The following SOS1 variants were observed in gnomAD, a reference collection of about 807,000 sequenced individuals.
SOS1 encodes the protein SOS Ras/Rac guanine nucleotide exchange factor 1.
Under a neutral mutation model 157.6 loss-of-function variants are expected in SOS1, and 25 were observed. The ratio of observed to expected loss-of-function variants is 0.16; its 90% CI spans 0.12 to 0.22. The LOEUF is 0.22. Among genes scored for constraint, SOS1 ranks in the 10% least tolerant of loss-of-function variants. SOS1 has a pLI of 1.00. For synonymous variants in SOS1, 528 were observed against 534.0 expected (o/e 0.99, Z 0.16); for missense variants, 1,237 against 1,599.1 (o/e 0.77, Z 3.86).
intron 1 of SOS1, among the ~76,000 whole-genome samples, chr2:39,079,732 A>G (rs1044730497): frequency 3.3e-5 from 5 of 152,086 alleles, no homozygotes; most frequent in African/African-American, 1.2e-4. Flanking sequence ...TGACCTCGTG[A>G]TCTGCCCACC....
intron 6 of SOS1, among the ~76,000 whole-genome samples, chr2:39,037,929 A>T (rs932523102): frequency 1.9e-4 from 29 of 151,964 alleles, no homozygotes; most frequent in Non-Finnish European, 3.5e-4. Context: ...AAAAAAAAAA[A>T]TTTCTTTCAA....
At chr2:39,002,197 G>A (rs1669125403) in intron 17 of SOS1, among the ~76,000 whole-genome samples, 1 of 150,146 alleles carries the variant, frequency 6.7e-6, no homozygotes, top group Non-Finnish European at 1.5e-5. Context: ...GTGGTGGTGG[G>A]TGCCTGTAAT....
intron 6 of SOS1, among the ~76,000 whole-genome samples, chr2:39,040,501 G>A (rs538773833): frequency 4.6e-5 from 7 of 152,118 alleles, no homozygotes; most frequent in Admixed American, 1.3e-4. Context: ...CCTCTTCCCC[G>A]TAACCCTTGG....
chr2:39,000,340 A>C (rs1947433), intron 17 of SOS1, among the ~76,000 whole-genome samples: 1 of 152,058 alleles, frequency 6.6e-6, no homozygotes, highest in Non-Finnish European at 1.5e-5. Context: ...CCCTATATAC[A>C]CATATATAGT....
In SOS1 at chr2:39,035,428, T is replaced by G; in HGVS notation, c.937A>C (p.Ser313Arg). ...LRPGFHDRFL[S>R]QLSKPGAALY... ...GCTGCCCCAGGCTTTGATAACTGAC[T>G]AAGGAAACGATCATGAAAACCAGGT... The change falls in exon 7 of 23, where the codon AGT becomes CGT. Residue 313 changes from serine to arginine, a missense_variant. Around this residue, in one of 15 missense-constraint regions of SOS1, gnomAD observed 101 missense variants for 171.5 expected, o/e 0.59. Coordinates refer to ENST00000402219, the MANE Select transcript of SOS1 (RefSeq NM_005633.4). 6.2e-7 allele frequency: 1 copy of G among 1,613,864 alleles called. No individual in the cohort carries two copies. Among genetic ancestry groups the G allele is most frequent in the Non-Finnish European group, 8.5e-7 (1 of 1,179,810 alleles).
chr2:39,058,353 C>A (rs1671287027), intron 3 of SOS1, among the ~76,000 whole-genome samples: 1 of 151,976 alleles, frequency 6.6e-6, no homozygotes, highest in Non-Finnish European at 1.5e-5. Context: ...TTAGGTCTAA[C>A]CAACAAGAAA....
chr2:39,034,300 A>ATTC (rs1670268212), intron 8 of SOS1, among the ~76,000 whole-genome samples: 1 of 152,210 alleles, frequency 6.6e-6, no homozygotes, highest in Admixed American at 6.5e-5. Flanking sequence ...TACTGTTAAT[A>ATTC]AATTCACAGA....
chr2:38,987,473 CT>C lies in SOS1; in HGVS notation c.3509del (p.Lys1170ArgfsTer51). The C allele has an allele frequency of 6.7e-7, 1 of 1,485,580 alleles. No individual in the cohort carries two copies. Among genetic ancestry groups the C allele is most frequent in the Non-Finnish European group, 9.4e-7 (1 of 1,066,618 alleles). The allele number at this position is 1,485,580 out of a possible 1,614,324, so 92.0% of individuals were successfully genotyped here. Reference sequence around the variant, plus strand: ...TACACAACAAGATTTCTTACTTTACCTTAGATGGTGAAGATTCTGCTGGGGC... The same window carrying C: ...TACACAACAAGATTTCTTACTTTACCTAGATGGTGAAGATTCTGCTGGGGC... ...ESAPAESSPS[K>X]IMSKHLDSPP... On this transcript the variant is annotated frameshift_variant and splice_region_variant, in exon 22 of 23. Transcript: ENST00000402219. LOFTEE classifies it high-confidence loss of function.
At chr2:39,013,247 G>C (rs142752512) in intron 13 of SOS1, among the ~76,000 whole-genome samples, 2 of 152,230 alleles carry the variant, frequency 1.3e-5, no homozygotes, top group African/African-American at 4.8e-5. Flanking sequence ...AGTAAGTTGA[G>C]TCACTAAATG....
chr2:39,055,534 C>T (rs1026733137), intron 4 of SOS1, among the ~76,000 whole-genome samples: 1 of 152,016 alleles, frequency 6.6e-6, no homozygotes, highest in African/African-American at 2.4e-5. Flanking sequence ...ATTTCGTATT[C>T]GTGTCTTCAG....
intron 6 of SOS1, among the ~76,000 whole-genome samples, chr2:39,036,626 T>C (rs1034163961): frequency 6.6e-6 from 1 of 151,816 alleles, no homozygotes; most frequent in African/African-American, 2.4e-5. Context: ...CAGGCTGGAG[T>C]GCAGTGGCGC....
At chr2:39,001,291 G>T (rs1033688393) in intron 17 of SOS1, among the ~76,000 whole-genome samples, 2 of 152,172 alleles carry the variant, frequency 1.3e-5, no homozygotes, top group Non-Finnish European at 2.9e-5. Context: ...TTGAACTCCT[G>T]GCCCTAAGCA....
intron 1 of SOS1, among the ~76,000 whole-genome samples, chr2:39,072,437 T>C (rs111538323): frequency 0.021 from 3,172 of 152,284 alleles, 134 homozygotes; most frequent in African/African-American, 0.072. Context: ...GGTTGTTTGG[T>C]TGATTTCAGG....
intron 1 of SOS1, among the ~76,000 whole-genome samples, chr2:39,077,836 C>G (rs1347940968): frequency 2.0e-5 from 3 of 151,976 alleles, no homozygotes; most frequent in Admixed American, 6.6e-5. Context: ...CGGTGATAAG[C>G]AAAAGATTCA....
rs1390683803 is a variant in SOS1 at position 39,091,234 on chromosome 2, T to C, written c.88-23481A>G. Among the ~76,000 whole-genome samples the C allele has an allele frequency of 2.0e-5, 3 of 152,306 alleles. No individual in the cohort carries two copies. In the East Asian group the frequency reaches 5.8e-4, roughly 29 times the overall value. ...CACTGCTGGTCTGAGGAATGTCCTT[T>C]GTGCAGTGAGAGTGTACACATCTGT... On this transcript the variant is annotated intron_variant, in intron 1 of 22. Transcript: ENST00000402219.
intron 1 of SOS1, among the ~76,000 whole-genome samples, chr2:39,086,614 C>T (rs1295226710): frequency 6.6e-6 from 1 of 152,106 alleles, no homozygotes; most frequent in Non-Finnish European, 1.5e-5. Flanking sequence ...ATGCCCTTCC[C>T]CGACAATTCC....
chr2:39,113,202 G>GT (rs1673506404), intron 1 of SOS1, among the ~76,000 whole-genome samples: 1 of 151,946 alleles, frequency 6.6e-6, no homozygotes, highest in Non-Finnish European at 1.5e-5. Context: ...ATTCATTAAT[G>GT]TATTTAGAGA....
At chr2:39,090,643 C>T (rs1672558319) in intron 1 of SOS1, among the ~76,000 whole-genome samples, 1 of 152,064 alleles carries the variant, frequency 6.6e-6, no homozygotes, top group African/African-American at 2.4e-5. Flanking sequence ...TTGCATTGAG[C>T]CCAGATCGCG....
chr2:39,009,324 A>G (rs1204238505), intron 15 of SOS1, among the ~76,000 whole-genome samples: 2 of 152,210 alleles, frequency 1.3e-5, no homozygotes. Flanking sequence ...AGATTTTCCC[A>G]GATAAACAAA....
Sources: gnomAD v4.1 joint callset for allele counts (sites outside exome capture counted in the v4.1 genomes callset) on GRCh38, gnomAD v4.1.1 for gene constraint, gnomAD v4.1.1 regional missense constraint, MANE v1.5 for transcripts, NCBI Gene and HGNC (gene_info 2026-07-23, HGNC 2026-07-21) for gene names.